Variants in MAPK8IP3 observed in about 807,000 individuals in gnomAD.
The protein encoded by MAPK8IP3 is mitogen-activated protein kinase 8 interacting protein 3.
MAPK8IP3 carries 49 observed loss-of-function variants against 157.8 expected under a neutral mutation model. That is an observed-to-expected ratio of 0.31 (90% CI 0.25 to 0.39). The LOEUF is 0.39. MAPK8IP3 is among the 10% of genes least tolerant of loss of function. MAPK8IP3 has a pLI of 1.00. For synonymous variants in MAPK8IP3, 897 were observed against 777.7 expected, an observed-to-expected ratio of 1.15 and a Z score of -2.55; for missense variants, 1,478 against 1,889.4, an observed-to-expected ratio of 0.78 and a Z score of 4.04.
Position 1,724,749 on chromosome 16 carries a change from C to T in MAPK8IP3, c.439+72C>T. 2 of 1,565,818 alleles carry T rather than the reference C, an allele frequency of 1.3e-6. No individual in the cohort carries two copies. The highest frequency in any genetic ancestry group is 1.8e-5 in the Admixed American group (1 of 56,276). The stretch of plus-strand genomic sequence containing the variant: ...CTGGGACGGCTCTGGTTGGGGTGGG[C>T]ATGGAGCGCCTTCCACACAAGGGGA... On this transcript the variant is annotated intron_variant, in intron 2 of 31. Coordinates refer to ENST00000610761, the MANE Select transcript of MAPK8IP3 (RefSeq NM_001318852.2). The surrounding 1 kb of genome is among the most constrained non-coding windows in gnomAD (Gnocchi z 4.1).
chr16:1,717,071 A>C (rs11859947), intron 1 of MAPK8IP3, among the ~76,000 whole-genome samples: 20,203 of 150,960 alleles, frequency 0.13, 2,150 homozygotes, highest in African/African-American at 0.3. Flanking sequence ...AAAAAAATAA[A>C]ATAAAAATTA....
At chr16:1,768,663 C>T (rs774733019) in intron 31 of MAPK8IP3, 37 bp downstream of exon 31, 97 of 1,610,708 alleles carry the variant, frequency 6.0e-5, no homozygotes, top group Admixed American at 4.2e-4. Context: ...AGGTTGGGCG[C>T]GGGGGGAGCC....
intron 2 of MAPK8IP3, among the ~76,000 whole-genome samples, chr16:1,728,197 G>A (rs1450324097): frequency 6.6e-6 from 1 of 152,232 alleles, no homozygotes; most frequent in Non-Finnish European, 1.5e-5. Flanking sequence ...TGTCTCTTGG[G>A]CAGATCACGT....
intron 4 of MAPK8IP3, among the ~76,000 whole-genome samples, chr16:1,731,763 G>A (rs2039331890): frequency 6.6e-6 from 1 of 152,204 alleles, no homozygotes; most frequent in Non-Finnish European, 1.5e-5. Context: ...ATGGCTTTGA[G>A]GATTTGAGAT....
At chr16:1,712,473 C>T (rs2037854525) in intron 1 of MAPK8IP3, among the ~76,000 whole-genome samples, 1 of 152,170 alleles carries the variant, frequency 6.6e-6, no homozygotes, top group Non-Finnish European at 1.5e-5. Context: ...ACTTTGCCAG[C>T]CCAGAGAACC....
chr16:1,730,044 C>CAAAAA (rs58933347), intron 4 of MAPK8IP3, among the ~76,000 whole-genome samples: 7 of 46,958 alleles, frequency 1.5e-4, no homozygotes, highest in African/African-American at 2.5e-4. Context: ...CTTGTCTCTA[C>CAAAAA]AAAAAAAAAA....
intron 8 of MAPK8IP3, among the ~76,000 whole-genome samples, chr16:1,755,885 A>G (rs2141896755): frequency 6.6e-6 from 1 of 151,990 alleles, no homozygotes; most frequent in East Asian, 1.9e-4. Context: ...GGAAGTTTAT[A>G]GGCTATACCA....
At position 1,762,559 on chromosome 16, in the gene MAPK8IP3, C is replaced by T. The variant is rs79105776; in HGVS notation, c.1670+78C>T. 1,436 of 1,587,220 alleles carry T rather than the reference C, an allele frequency of 9.0e-4. 7 individuals are homozygous for T. In the African/African-American group the frequency reaches 0.013, roughly 15 times the overall value. On this transcript the variant is annotated intron_variant, in intron 14 of 31. Coordinates refer to ENST00000610761, the MANE Select transcript of MAPK8IP3 (RefSeq NM_001318852.2). ...GACTGCGGCTCCCTCCTCTGCACCT[C>T]CCTGTCTTCTGGGGGGACTGAAGTG...
chr16:1,712,443 C>T (rs1324503200), intron 1 of MAPK8IP3, among the ~76,000 whole-genome samples: 7 of 152,092 alleles, frequency 4.6e-5, no homozygotes, highest in African/African-American at 9.7e-5. Flanking sequence ...CAGGGTCTCC[C>T]GGCCACTCCC....
chr16:1,754,264 C>T (rs773406994), intron 8 of MAPK8IP3, among the ~76,000 whole-genome samples: 4 of 152,118 alleles, frequency 2.6e-5, no homozygotes, highest in African/African-American at 9.7e-5. Context: ...CAGCTATTAC[C>T]GCACTACCTG....
At position 1,766,718 on chromosome 16, in the gene MAPK8IP3, C is replaced by T. The variant is rs2042283936; in HGVS notation, c.2940-5C>T. The stretch of plus-strand genomic sequence containing the variant: ...CCCCTCGCCCATCGCCGCTTCCTTC[C>T]CTAGGCTCTATGTGCACTCGGCTGT... On this transcript the variant is annotated splice_polypyrimidine_tract_variant and splice_region_variant and intron_variant, in intron 23 of 31. Transcript: ENST00000610761. The T allele has an allele frequency of 1.2e-6, 2 of 1,612,758 alleles. No individual in the cohort carries two copies. Among genetic ancestry groups the T allele is most frequent in the Non-Finnish European group, 1.7e-6 (2 of 1,179,938 alleles).
At chr16:1,737,281 T>A (rs2040026378) in intron 4 of MAPK8IP3, among the ~76,000 whole-genome samples, 1 of 103,128 alleles carries the variant, frequency 9.7e-6, no homozygotes, top group Non-Finnish European at 1.9e-5. Context: ...TGAGCGTCCG[T>A]GTGAGTGTGA....
At chr16:1,756,847 A>G (rs1212121836) in intron 8 of MAPK8IP3, among the ~76,000 whole-genome samples, 2 of 152,064 alleles carry the variant, frequency 1.3e-5, no homozygotes, top group Non-Finnish European at 2.9e-5. Context: ...GCATCCAGGA[A>G]CCTCAGCACA....
At chr16:1,732,424 G>A (rs913291397) in intron 4 of MAPK8IP3, among the ~76,000 whole-genome samples, 1 of 152,238 alleles carries the variant, frequency 6.6e-6, no homozygotes, top group Non-Finnish European at 1.5e-5. Flanking sequence ...GTCACGTTCT[G>A]GATGATACAG....
chr16:1,738,271 CGT>C lies in MAPK8IP3; in HGVS notation c.603-5057_603-5056del, dbSNP rs776863794. 8.9e-5 allele frequency among the ~76,000 whole-genome samples: 6 copies of C among 67,674 alleles called. 1 individual carries two copies. Among genetic ancestry groups the C allele is most frequent in the East Asian group, 5.4e-4 (1 of 1,838 alleles). The allele number at this position is 67,674 out of a possible 152,430, so 44.4% of individuals were successfully genotyped here. The stretch of plus-strand genomic sequence containing the variant: ...GCATCCGTGTGAGCGTGTGACCGTC[CGT>C]GTGAGTGTGACCATCCATGTGAGCA... On this transcript the variant is annotated intron_variant, in intron 4 of 31. Transcript: ENST00000610761.
chr16:1,753,341 A>G (rs1335026855), intron 8 of MAPK8IP3, among the ~76,000 whole-genome samples: 2 of 152,116 alleles, frequency 1.3e-5, no homozygotes, highest in African/African-American at 2.4e-5. Context: ...GCTGGTCTCA[A>G]ACTCCTAGAC....
At chr16:1,746,001 C>A (rs2040938245) in intron 5 of MAPK8IP3, 2 of 152,268 alleles carry the variant, frequency 1.3e-5, no homozygotes, top group Non-Finnish European at 2.9e-5. Context: ...GGGCTGGATA[C>A]CCCCTCGACA....
At chr16:1,744,319 T>A (rs1327647611) in intron 5 of MAPK8IP3, 1 of 985,768 alleles carries the variant, frequency 1.0e-6, no homozygotes, top group African/African-American at 1.7e-5. Context: ...CTGGTGGATG[T>A]GGGGCCTGGG....
Position 1,758,130 on chromosome 16 carries a change from C to T in MAPK8IP3, c.1217-18C>T, listed in dbSNP as rs752162227. On this transcript the variant is annotated intron_variant, in intron 8 of 31. Transcript: ENST00000610761. The stretch of plus-strand genomic sequence containing the variant: ...CCCTTCCTTCCCCTGCCTCTCTGTG[C>T]GTCGCTGGACTCGCCAGGGGAGTTC... 48 of 1,613,344 alleles carry T rather than the reference C, an allele frequency of 3.0e-5. No individual in the cohort carries two copies. The highest frequency in any genetic ancestry group is 3.8e-5 in the Non-Finnish European group (45 of 1,179,578).
Sources: gnomAD v4.1 joint callset for allele counts (sites outside exome capture counted in the v4.1 genomes callset) on GRCh38, gnomAD v4.1.1 for gene constraint, Gnocchi (gnomAD v3.1) non-coding constraint, MANE v1.5 for transcripts, NCBI Gene and HGNC (gene_info 2026-07-23, HGNC 2026-07-21) for gene names.